The following CSMD3 variants were observed in gnomAD, a reference collection of about 807,000 sequenced individuals.
CSMD3 encodes CUB and Sushi multiple domains 3.
A neutral mutation model predicts 435.2 loss-of-function variants in CSMD3; 177 were observed. That is an observed-to-expected ratio of 0.41 (90% confidence interval 0.36 to 0.46). The LOEUF is 0.46. Ranked by LOEUF, CSMD3 falls within the 20% of genes least tolerant of loss-of-function variation. The pLI is 0.34. For missense variants in CSMD3, 4,265 were observed against 4,504.6 expected (o/e 0.95, Z 1.52); for synonymous variants, 1,656 against 1,520.5 (o/e 1.09, Z -2.07).
chr8:112,944,227 G>C (rs1006257773), intron 9 of CSMD3, among the ~76,000 whole-genome samples: 2 of 151,562 alleles, frequency 1.3e-5, no homozygotes, highest in African/African-American at 4.8e-5. Flanking sequence ...TAACGTAAAA[G>C]TATTAAACAT....
At chr8:112,801,898 G>A (rs1351550600) in intron 12 of CSMD3, among the ~76,000 whole-genome samples, 1 of 151,884 alleles carries the variant, frequency 6.6e-6, no homozygotes, top group Non-Finnish European at 1.5e-5. Context: ...GTTTTTCTGG[G>A]AAAATTGAAG....
intron 43 of CSMD3, 135 bp downstream of exon 43, chr8:112,337,408 G>A (rs956375344): frequency 2.7e-6 from 2 of 734,020 alleles, no homozygotes; most frequent in African/African-American, 1.8e-5. Flanking sequence ...GAGCCTTAGG[G>A]GTTTAAAAAA....
Position 112,600,333 on chromosome 8 carries a change from A to C in CSMD3, c.3716-13098T>G, listed in dbSNP as rs1832219970. 2.6e-5 allele frequency among the ~76,000 whole-genome samples: 4 copies of C among 152,240 alleles called. No homozygotes were observed. The South Asian group carries it at 8.3e-4, about 32-fold the overall frequency. The stretch of plus-strand genomic sequence containing the variant: ...AAAATATGAACATTGTGCTCAAAAT[A>C]GATTGCTTTGTTTTCATTATTTTTT... On this transcript the variant is annotated intron_variant, in intron 22 of 70. Transcript: ENST00000297405.
chr8:112,859,265 C>T lies in CSMD3; in HGVS notation c.1635G>A (p.Val545=), dbSNP rs1195772538. 3 of 1,610,524 alleles carry T rather than the reference C, an allele frequency of 1.9e-6. No individual in the cohort carries two copies. Among genetic ancestry groups the T allele is most frequent in the Non-Finnish European group, 1.7e-6 (2 of 1,177,308 alleles). ...CTTGAAGATTAGAGCCACACGTTTTCACTAAAAGAGAAATTGCATTTTAAA... is the reference window on the plus strand; with the variant it reads ...CTTGAAGATTAGAGCCACACGTTTTTACTAAAAGAGAAATTGCATTTTAAA... The part of the protein sequence containing the change: ...AWSDHRPVCK[V]KTCGSNLQGP... Residue 545 remains valine, a splice_region_variant and synonymous_variant, in exon 11 of 71, where the codon GTG becomes GTA. Transcript: ENST00000297405.
intron 5 of CSMD3, among the ~76,000 whole-genome samples, chr8:113,043,513 C>A (rs73702278): frequency 6.6e-6 from 1 of 152,106 alleles, no homozygotes; most frequent in African/African-American, 2.4e-5. Flanking sequence ...ACATTTTTTA[C>A]AATATGTAAG....
chr8:112,654,772 C>T (rs1249571606), intron 18 of CSMD3, among the ~76,000 whole-genome samples: 1 of 152,018 alleles, frequency 6.6e-6, no homozygotes, highest in African/African-American at 2.4e-5. Context: ...TGGTAAAGAC[C>T]ACATACCTTG....
chr8:113,434,398 G>T (rs1018298176), intron 1 of CSMD3, among the ~76,000 whole-genome samples: 1 of 152,180 alleles, frequency 6.6e-6, no homozygotes, highest in Non-Finnish European at 1.5e-5. Flanking sequence ...ATCAATCTTG[G>T]CTTTAGGAAA....
intron 60 of CSMD3, 91 bp from the exon 61 acceptor site, chr8:112,263,903 G>A: frequency 1.7e-6 from 2 of 1,164,940 alleles, no homozygotes; most frequent in Non-Finnish European, 1.3e-6. Flanking sequence ...AAGCACATGT[G>A]CTAATTTAAC....
chr8:113,150,373 A>G (rs1004909210), intron 4 of CSMD3, among the ~76,000 whole-genome samples: 31 of 151,982 alleles, frequency 2.0e-4, no homozygotes, highest in African/African-American at 7.5e-4. Context: ...CTACTGTTGA[A>G]CTTAAAAAAG....
chr8:112,670,161 G>T (rs2075623603), intron 16 of CSMD3, among the ~76,000 whole-genome samples: 1 of 152,106 alleles, frequency 6.6e-6, no homozygotes. Context: ...CAAGAATGAA[G>T]ATGAAATCAA....
intron 8 of CSMD3, among the ~76,000 whole-genome samples, chr8:112,948,614 T>G (rs1401591276): frequency 6.6e-6 from 1 of 152,066 alleles, no homozygotes; most frequent in Non-Finnish European, 1.5e-5. Context: ...AGTCAGATAG[T>G]ACTGAAATAT....
chr8:112,536,483 C>T (rs1383916959), intron 27 of CSMD3, among the ~76,000 whole-genome samples: 4 of 152,222 alleles, frequency 2.6e-5, no homozygotes, highest in East Asian at 3.9e-4. Context: ...TACCATCTCA[C>T]ACCAGTTAGA....
chr8:112,324,836 T>C (rs908922144), intron 45 of CSMD3, among the ~76,000 whole-genome samples: 5 of 152,040 alleles, frequency 3.3e-5, no homozygotes, highest in Admixed American at 2.0e-4. Flanking sequence ...ACACACACAA[T>C]TGGAAGAGAA....
rs117308555 is a variant in CSMD3 at position 113,365,954 on chromosome 8, A to C, written c.179-51161T>G. The stretch of plus-strand genomic sequence containing the variant: ...AATTATATAATTTTCCTTATAATTT[A>C]TAACATATCCAGTTTAATCAATACA... On this transcript the variant is annotated intron_variant, in intron 1 of 70. Coordinates refer to ENST00000297405, the MANE Select transcript of CSMD3 (RefSeq NM_198123.2). Among the ~76,000 whole-genome samples the C allele has an allele frequency of 8.1e-4, 124 of 152,178 alleles. 1 individual carries two copies. In the East Asian group the frequency reaches 0.022, roughly 27 times the overall value.
chr8:112,749,229 T>A (rs778797149), intron 13 of CSMD3, among the ~76,000 whole-genome samples: 1 of 152,184 alleles, frequency 6.6e-6, no homozygotes, highest in Non-Finnish European at 1.5e-5. Context: ...TGCTTATAGA[T>A]CCTGGATATT....
chr8:113,139,698 G>C (rs995064918), intron 4 of CSMD3, among the ~76,000 whole-genome samples: 1 of 150,844 alleles, frequency 6.6e-6, no homozygotes, highest in East Asian at 1.9e-4. Context: ...GCAGACTTAC[G>C]TCCTAACATC....
chr8:113,199,003 ACT>A (rs2092689887), intron 3 of CSMD3, among the ~76,000 whole-genome samples: 2 of 150,720 alleles, frequency 1.3e-5, no homozygotes, highest in South Asian at 2.1e-4. Flanking sequence ...ATTAATTATG[ACT>A]CTCATTATGC....
chr8:112,237,445 C>G (rs1813692618), intron 66 of CSMD3, 97 bp from the exon 67 acceptor site: 1 of 872,558 alleles, frequency 1.1e-6, no homozygotes, highest in Non-Finnish European at 1.9e-6. Context: ...TGATGTATTG[C>G]TAATACACAA....
At chr8:113,148,875 ATTTAC>A (rs1446769740) in intron 4 of CSMD3, among the ~76,000 whole-genome samples, 3 of 151,680 alleles carry the variant, frequency 2.0e-5, no homozygotes, top group Non-Finnish European at 2.9e-5. Context: ...AAGCAACAGT[ATTTAC>A]TTTAATTACA....
Sources: allele counts gnomAD v4.1 joint callset (sites outside exome capture counted in the v4.1 genomes callset), GRCh38; gene constraint gnomAD v4.1.1; transcripts MANE v1.5; gene names NCBI Gene and HGNC (gene_info 2026-07-23, HGNC 2026-07-21).